The following GBF1 variants were observed in gnomAD, a reference collection of about 807,000 sequenced individuals.
The protein encoded by GBF1 is golgi brefeldin A resistant guanine nucleotide exchange factor 1, also known as Golgi-specific brefeldin A-resistance guanine nucleotide exchange factor 1.
In GBF1, 114 loss-of-function variants were observed where a neutral mutation model predicts 210.5. The ratio of observed to expected loss-of-function variants is 0.54; its 90% confidence interval spans 0.47 to 0.63. The LOEUF (loss-of-function observed/expected upper bound fraction) is 0.63. Among genes scored for constraint, GBF1 ranks in the 30% least tolerant of loss-of-function variants. The pLI, the probability that GBF1 is intolerant of heterozygous loss-of-function variation, is 0.00. For missense variants in GBF1, 1,851 were observed against 2,357.7 expected (o/e 0.79, Z 4.45); for synonymous variants, 850 against 889.2 (o/e 0.96, Z 0.78).
At chr10:102,309,169 T>G (rs1217152465) in intron 3 of GBF1, among the ~76,000 whole-genome samples, 2 of 152,212 alleles carry the variant, frequency 1.3e-5, no homozygotes, top group Non-Finnish European at 2.9e-5. Flanking sequence ...GGCTTCAATT[T>G]GCACAACTGA....
upstream of GBF1, among the ~76,000 whole-genome samples, chr10:102,240,817 C>T (rs975553560): frequency 6.6e-6 from 1 of 152,234 alleles, no homozygotes; most frequent in Admixed American, 6.5e-5. Flanking sequence ...CAACACAGCT[C>T]CTATTCCAAC....
chr10:102,379,804 C>T, intron 35 of GBF1, 49 bp from the exon 36 acceptor site: 1 of 1,510,302 alleles, frequency 6.6e-7, no homozygotes, highest in Non-Finnish European at 9.2e-7. Flanking sequence ...TGGGGCAAGG[C>T]TGCCTAGCTG....
intron 2 of GBF1, 51 bp downstream of exon 2, chr10:102,259,085 C>G (rs372407795): frequency 1.1e-6 from 1 of 902,086 alleles, no homozygotes. Context: ...TATAGGGGAT[C>G]TGTTGGCATG....
chr10:102,360,449 A>G (rs2059530991), intron 12 of GBF1, 54 bp downstream of exon 12: 1 of 1,190,158 alleles, frequency 8.4e-7, no homozygotes, highest in East Asian at 2.3e-5. Flanking sequence ...CCAGGGGAAC[A>G]CAGGGAGGTC....
At chr10:102,332,477 C>T (rs954830481) in intron 3 of GBF1, among the ~76,000 whole-genome samples, 7 of 151,934 alleles carry the variant, frequency 4.6e-5, no homozygotes, top group East Asian at 1.9e-4. Context: ...TCTGCCTCCC[C>T]GGCTCAAGCG....
intron 11 of GBF1, 46 bp downstream of exon 11, chr10:102,359,481 C>T (rs780799797): frequency 2.8e-6 from 4 of 1,426,224 alleles, no homozygotes; most frequent in African/African-American, 1.4e-5. Flanking sequence ...CCCATCCTAC[C>T]TACTAAGCTG....
intron 5 of GBF1, 95 bp from the exon 6 acceptor site, chr10:102,351,748 A>G: frequency 2.7e-6 from 2 of 743,038 alleles, no homozygotes; most frequent in East Asian, 2.5e-5. Context: ...TACCAAGCTG[A>G]GGTGAGGTCA....
intron 21 of GBF1, 80 bp from the exon 22 acceptor site, chr10:102,368,138 T>C: frequency 1.1e-6 from 1 of 871,622 alleles, no homozygotes; most frequent in Non-Finnish European, 1.9e-6. Context: ...AGAGTGCTAG[T>C]ATGGATGAAC....
At chr10:102,270,589 AT>A (rs2074313713) in intron 3 of GBF1, among the ~76,000 whole-genome samples, 1 of 152,150 alleles carries the variant, frequency 6.6e-6, no homozygotes, top group Non-Finnish European at 1.5e-5. Flanking sequence ...GTGTATTATC[AT>A]TTTTTTCATG....
Position 102,363,865 on chromosome 10 carries a change from T to A in GBF1, c.2106+67T>A. ...GGTGTCCAGTGTTGTAGGGTTTCCATCTCAGAAGATGAAGGAGAGTCTAGC... is the reference window on the plus strand; with the variant it reads ...GGTGTCCAGTGTTGTAGGGTTTCCAACTCAGAAGATGAAGGAGAGTCTAGC... On this transcript the variant is annotated intron_variant, in intron 17 of 39. Transcript: ENST00000369983. The surrounding 1 kb of genome is among the most constrained non-coding windows in gnomAD (Gnocchi z 4.2). 1.1e-6 allele frequency: 1 copy of A among 948,558 alleles called. No individual in the cohort carries two copies. The highest frequency in any genetic ancestry group is 1.8e-5 in the Admixed American group (1 of 54,538). 58.8% of individuals were successfully genotyped at this position (948,558 alleles called of 1,614,324 possible).
Position 102,363,727 on chromosome 10 carries a change from C to T in GBF1, c.2035C>T (p.Arg679Trp), listed in dbSNP as rs770317776. The T allele has an allele frequency of 8.1e-6, 13 of 1,612,422 alleles. No homozygotes were observed. The highest frequency in any genetic ancestry group is 5.0e-5 in the Admixed American group (3 of 59,968). The change falls in exon 17 of 40, where the codon CGG (arginine) becomes TGG (tryptophan). Residue 679 changes from arginine to tryptophan, a missense_variant. Physicochemically the swap from Arg to Trp is moderately radical, Grantham distance 101. Coordinates refer to ENST00000369983, the MANE Select transcript of GBF1 (RefSeq NM_001377137.1). The surrounding 1 kb of genome is among the most constrained non-coding windows in gnomAD (Gnocchi z 4.2). The part of the protein sequence containing the change: ...VDSGADKKFA[R>W]KPPRFSCLLP... ...ACTCCTAGCTGACAAAAAGTTTGCC[C>T]GGAAGCCACCCCGATTTTCCTGTCT...
intron 12 of GBF1, 36 bp downstream of exon 12, chr10:102,360,431 T>A: frequency 7.3e-7 from 1 of 1,369,274 alleles, no homozygotes; most frequent in Non-Finnish European, 1.0e-6. Context: ...CAGAGCCTCT[T>A]TCAAGGGCCA....
At chr10:102,260,233 G>T in intron 3 of GBF1, 117 bp downstream of exon 3, 1 of 582,408 alleles carries the variant, frequency 1.7e-6, no homozygotes. Flanking sequence ...TTTAGGCTTT[G>T]TGGGCCATAC....
intron 3 of GBF1, among the ~76,000 whole-genome samples, chr10:102,313,112 T>C (rs1019508531): frequency 1.4e-4 from 21 of 152,128 alleles, no homozygotes; most frequent in African/African-American, 4.6e-4. Flanking sequence ...AATCCAGATA[T>C]AGCATATTAT....
At chr10:102,256,339 G>T (rs2072368085) in intron 1 of GBF1, among the ~76,000 whole-genome samples, 1 of 151,914 alleles carries the variant, frequency 6.6e-6, no homozygotes, top group Admixed American at 6.6e-5. Flanking sequence ...TGCAAAATAT[G>T]CAAATTGAGC....
At chr10:102,305,718 C>CA (rs1452661321) in intron 3 of GBF1, among the ~76,000 whole-genome samples, 1 of 151,388 alleles carries the variant, frequency 6.6e-6, no homozygotes, top group African/African-American at 2.4e-5. Context: ...ACTCTGTCTC[C>CA]AAAAAAAGAA....
chr10:102,314,787 T>C (rs1489321859), intron 3 of GBF1, among the ~76,000 whole-genome samples: 4 of 152,148 alleles, frequency 2.6e-5, no homozygotes, highest in Admixed American at 6.5e-5. Flanking sequence ...CTCCTTTTCT[T>C]CCCCTTCTTT....
At chr10:102,290,803 C>T (rs2076372472) in intron 3 of GBF1, among the ~76,000 whole-genome samples, 1 of 152,218 alleles carries the variant, frequency 6.6e-6, no homozygotes, top group Non-Finnish European at 1.5e-5. Context: ...CCACACCCAG[C>T]CTGCTTTTCT....
At chr10:102,257,291 C>G (rs1423975476) in intron 1 of GBF1, among the ~76,000 whole-genome samples, 1 of 152,054 alleles carries the variant, frequency 6.6e-6, no homozygotes, top group Non-Finnish European at 1.5e-5. Context: ...AGATTGGATG[C>G]AGTCATTTGT....
Sources: allele counts gnomAD v4.1 joint callset (sites outside exome capture counted in the v4.1 genomes callset), GRCh38; gene constraint gnomAD v4.1.1; non-coding constraint Gnocchi (gnomAD v3.1); transcripts MANE v1.5; gene names NCBI Gene and HGNC (gene_info 2026-07-23, HGNC 2026-07-21).